NKAIN3: variants seen among roughly 807,000 people sequenced by gnomAD.
The protein encoded by NKAIN3 is sodium/potassium transporting ATPase interacting 3.
In NKAIN3, 25 loss-of-function variants were observed where a neutral mutation model predicts 30.2. That is an observed-to-expected ratio of 0.83 (90% CI 0.60 to 1.16). The LOEUF is 1.16. Among genes scored for constraint, NKAIN3 ranks in the 50% most tolerant of loss-of-function variants. The pLI, the probability that NKAIN3 is intolerant of heterozygous loss-of-function variation, is 0.00. For missense variants in NKAIN3, 225 were observed against 254.1 expected (o/e 0.89, Z 0.78); for synonymous variants, 91 against 89.6 (o/e 1.02, Z -0.09).
intron 1 of NKAIN3, among the ~76,000 whole-genome samples, chr8:62,379,226 C>A (rs867698347): frequency 6.6e-6 from 1 of 152,156 alleles, no homozygotes; most frequent in African/African-American, 2.4e-5. Context: ...ATACCTGTAC[C>A]CCGATTGTAT....
intron 1 of NKAIN3, among the ~76,000 whole-genome samples, chr8:62,463,801 A>G (rs1806071034): frequency 6.6e-6 from 1 of 152,220 alleles, no homozygotes; most frequent in Non-Finnish European, 1.5e-5. Context: ...AATTAGGTAG[A>G]GTAAAAGATT....
intron 1 of NKAIN3, among the ~76,000 whole-genome samples, chr8:62,437,547 A>T (rs532060818): frequency 6.6e-6 from 1 of 152,220 alleles, no homozygotes; most frequent in South Asian, 2.1e-4. Context: ...ATGCTGAGGC[A>T]TAAGTCCTCC....
intron 5 of NKAIN3, among the ~76,000 whole-genome samples, chr8:62,931,166 G>A (rs972959062): frequency 4.6e-5 from 7 of 151,954 alleles, no homozygotes; most frequent in East Asian, 3.9e-4. Context: ...CAAAACATTC[G>A]CTGGTTTTTA....
chr8:62,277,857 A>G (rs1813018047), intron 1 of NKAIN3, among the ~76,000 whole-genome samples: 1 of 152,184 alleles, frequency 6.6e-6, no homozygotes, highest in African/African-American at 2.4e-5. Flanking sequence ...AAAATAGATG[A>G]GGCAGTAGTT....
intron 1 of NKAIN3, among the ~76,000 whole-genome samples, chr8:62,547,187 T>C (rs1261944723): frequency 1.3e-5 from 2 of 152,188 alleles, no homozygotes; most frequent in Non-Finnish European, 2.9e-5. Context: ...TAGTGATCTG[T>C]ATTTTATGTG....
chr8:62,875,630 T>C (rs1820773414), intron 4 of NKAIN3, among the ~76,000 whole-genome samples: 1 of 152,094 alleles, frequency 6.6e-6, no homozygotes, highest in Non-Finnish European at 1.5e-5. Flanking sequence ...AACAGACATA[T>C]AGGCCAACGG....
At chr8:62,710,567 A>G (rs1814682373) in intron 3 of NKAIN3, among the ~76,000 whole-genome samples, 1 of 152,148 alleles carries the variant, frequency 6.6e-6, no homozygotes, top group Non-Finnish European at 1.5e-5. Flanking sequence ...GTCCATTTGC[A>G]TGAAATGCCT....
intron 4 of NKAIN3, among the ~76,000 whole-genome samples, chr8:62,886,846 G>A (rs1821160493): frequency 6.6e-6 from 1 of 152,138 alleles, no homozygotes; most frequent in South Asian, 2.1e-4. Context: ...ACCCCAGTGT[G>A]TGATGTTCTC....
chr8:62,699,121 G>A lies in NKAIN3; in HGVS notation c.274-47811G>A, dbSNP rs1056475379. 7.2e-5 allele frequency among the ~76,000 whole-genome samples: 11 copies of A among 151,888 alleles called. No individual in the cohort carries two copies. In the South Asian group the frequency reaches 1.9e-3, roughly 26 times the overall value. On this transcript the variant is annotated intron_variant, in intron 3 of 6. Transcript: ENST00000623646. ...TTTCTCGGGATATTTACACATTATCGCTTAATAATTTATTCTAAAATCTCT... is the reference window on the plus strand; with the variant it reads ...TTTCTCGGGATATTTACACATTATCACTTAATAATTTATTCTAAAATCTCT...
At chr8:62,628,447 C>T (rs911119958) in intron 3 of NKAIN3, among the ~76,000 whole-genome samples, 3 of 152,102 alleles carry the variant, frequency 2.0e-5, no homozygotes, top group Admixed American at 1.3e-4. Flanking sequence ...TGTTTCTTGA[C>T]GAATGATCCC....
chr8:62,327,761 G>T (rs551562887), intron 1 of NKAIN3, among the ~76,000 whole-genome samples: 13 of 151,342 alleles, frequency 8.6e-5, no homozygotes. Flanking sequence ...CGATTGTTTC[G>T]GCTACTTCAT....
chr8:62,693,319 A>T (rs1814043178), intron 3 of NKAIN3, among the ~76,000 whole-genome samples: 1 of 152,240 alleles, frequency 6.6e-6, no homozygotes, highest in African/African-American at 2.4e-5. Flanking sequence ...ACCTAAGATT[A>T]TACACCTCAT....
chr8:62,751,753 ATG>A (rs1816290341), intron 4 of NKAIN3, among the ~76,000 whole-genome samples: 1 of 152,020 alleles, frequency 6.6e-6, no homozygotes, highest in African/African-American at 2.4e-5. Context: ...TATAGATAGT[ATG>A]TGTTACATAT....
intron 4 of NKAIN3, among the ~76,000 whole-genome samples, chr8:62,801,782 G>A (rs1269515033): frequency 2.0e-5 from 3 of 152,204 alleles, no homozygotes; most frequent in Admixed American, 6.5e-5. Flanking sequence ...TGACTTTGAC[G>A]AGTTGAGAGA....
At chr8:62,520,100 G>A (rs1019361591) in intron 1 of NKAIN3, among the ~76,000 whole-genome samples, 5 of 152,098 alleles carry the variant, frequency 3.3e-5, no homozygotes, top group Admixed American at 2.0e-4. Flanking sequence ...TACATTAGAT[G>A]TATGTCACCC....
intron 4 of NKAIN3, among the ~76,000 whole-genome samples, chr8:62,903,336 C>T (rs959287706): frequency 6.6e-6 from 1 of 152,094 alleles, no homozygotes; most frequent in East Asian, 1.9e-4. Flanking sequence ...CCTGAAGGAA[C>T]AGTAGGAGCA....
intron 4 of NKAIN3, among the ~76,000 whole-genome samples, chr8:62,838,591 G>T (rs1450540132): frequency 1.3e-5 from 2 of 151,918 alleles, no homozygotes; most frequent in Non-Finnish European, 2.9e-5. Flanking sequence ...AATTCATCTT[G>T]CAGATCAAGC....
intron 1 of NKAIN3, among the ~76,000 whole-genome samples, chr8:62,379,020 A>G (rs1316152109): frequency 6.6e-6 from 1 of 152,206 alleles, no homozygotes; most frequent in Non-Finnish European, 1.5e-5. Flanking sequence ...ACAAAGCCAC[A>G]GGGATGGAGC....
intron 3 of NKAIN3, among the ~76,000 whole-genome samples, chr8:62,647,209 G>A (rs1159896265): frequency 6.6e-6 from 1 of 152,182 alleles, no homozygotes; most frequent in East Asian, 1.9e-4. Flanking sequence ...TTGCGATTCT[G>A]TAAGCAAAGT....
Sources: gnomAD v4.1 joint callset for allele counts (sites outside exome capture counted in the v4.1 genomes callset) on GRCh38, gnomAD v4.1.1 for gene constraint, MANE v1.5 for transcripts, NCBI Gene and HGNC (gene_info 2026-07-23, HGNC 2026-07-21) for gene names.